Variants in SKAP2 observed in about 807,000 individuals in gnomAD.
The protein encoded by SKAP2 is src kinase-associated phosphoprotein 2.
Under a neutral mutation model 54.9 loss-of-function variants are expected in SKAP2, and 28 were observed. The ratio of observed to expected loss-of-function variants is 0.51; its 90% CI spans 0.38 to 0.70. SKAP2 has a LOEUF of 0.70. Ranked by LOEUF, SKAP2 falls within the 30% of genes least tolerant of loss-of-function variation. The pLI is 0.00. For synonymous variants in SKAP2, 137 were observed against 134.3 expected (o/e 1.02, Z -0.14); for missense variants, 356 against 424.1 (o/e 0.84, Z 1.41).
chr7:26,845,411 A>C (rs142478110), intron 3 of SKAP2, among the ~76,000 whole-genome samples: 1 of 152,296 alleles, frequency 6.6e-6, no homozygotes, highest in East Asian at 1.9e-4. Context: ...CATCAGAGAC[A>C]TCTCTCATTA....
chr7:26,694,710 C>T (rs372253431), intron 9 of SKAP2, among the ~76,000 whole-genome samples: 20 of 151,458 alleles, frequency 1.3e-4, no homozygotes, highest in African/African-American at 4.8e-4. Context: ...GATATTTGGC[C>T]TTCTCTCTGA....
At chr7:26,663,893 T>G (rs1487141171), downstream of SKAP2, among the ~76,000 whole-genome samples, 2 of 152,124 alleles carry the variant, frequency 1.3e-5, no homozygotes, top group African/African-American at 4.8e-5. Flanking sequence ...AAAAGTTTCG[T>G]CTCCATTGCG....
intron 4 of SKAP2, among the ~76,000 whole-genome samples, chr7:26,766,280 A>G (rs950311823): frequency 2.0e-5 from 3 of 151,432 alleles, no homozygotes; most frequent in Admixed American, 6.6e-5. Flanking sequence ...TTTGTCTATT[A>G]TTGGTGTATA....
chr7:26,829,649 TA>T (rs2127992137), intron 4 of SKAP2, among the ~76,000 whole-genome samples: 1 of 152,088 alleles, frequency 6.6e-6, no homozygotes, highest in African/African-American at 2.4e-5. Context: ...AATAAGCACA[TA>T]AAAAGGTGAT....
At chr7:26,745,719 T>C (rs1428935031) in intron 4 of SKAP2, among the ~76,000 whole-genome samples, 1 of 152,210 alleles carries the variant, frequency 6.6e-6, no homozygotes, top group Non-Finnish European at 1.5e-5. Flanking sequence ...TTCGCCATGT[T>C]GCCCAGGCTG....
At chr7:26,801,505 T>C (rs1281261335) in intron 4 of SKAP2, among the ~76,000 whole-genome samples, 1 of 152,120 alleles carries the variant, frequency 6.6e-6, no homozygotes, top group African/African-American at 2.4e-5. Flanking sequence ...AAGTCCTAGC[T>C]AGAGCAATCA....
intron 1 of SKAP2, among the ~76,000 whole-genome samples, chr7:26,861,878 T>A (rs895106490): frequency 1.3e-5 from 2 of 151,958 alleles, no homozygotes; most frequent in African/African-American, 2.4e-5. Context: ...TAAGCAACAT[T>A]ATTTTAACAG....
intron 4 of SKAP2, among the ~76,000 whole-genome samples, chr7:26,821,985 CATTT>C (rs1784391841): frequency 6.6e-6 from 1 of 152,164 alleles, no homozygotes; most frequent in African/African-American, 2.4e-5. Context: ...GATACATTAG[CATTT>C]GTCAGATAAT....
At chr7:26,766,132 C>T (rs544179589) in intron 4 of SKAP2, among the ~76,000 whole-genome samples, 45 of 152,238 alleles carry the variant, frequency 3.0e-4, no homozygotes, top group African/African-American at 1.0e-3. Context: ...TTGTTTGTGT[C>T]CTGTCTTATT....
At chr7:26,757,538 G>A (rs1234896916) in intron 4 of SKAP2, among the ~76,000 whole-genome samples, 2 of 152,060 alleles carry the variant, frequency 1.3e-5, no homozygotes, top group African/African-American at 4.8e-5. Context: ...CTATATCTCT[G>A]TTTTTGGTAC....
chr7:26,831,270 A>G, intron 4 of SKAP2, among the ~76,000 whole-genome samples: 1 of 152,178 alleles, frequency 6.6e-6, no homozygotes, highest in East Asian at 1.9e-4. Flanking sequence ...ACTCAAAAGA[A>G]AGAAGCCAAG....
intron 9 of SKAP2, among the ~76,000 whole-genome samples, chr7:26,702,802 A>G (rs1787067034): frequency 6.6e-6 from 1 of 152,226 alleles, no homozygotes; most frequent in Non-Finnish European, 1.5e-5. Flanking sequence ...TAATAGCCTC[A>G]CTTGTATTTT....
intron 9 of SKAP2, among the ~76,000 whole-genome samples, chr7:26,706,368 T>G (rs1009476621): frequency 6.6e-6 from 1 of 152,150 alleles, no homozygotes; most frequent in Non-Finnish European, 1.5e-5. Flanking sequence ...AGTTATATAA[T>G]ATCTATGTTT....
intron 9 of SKAP2, among the ~76,000 whole-genome samples, chr7:26,724,729 A>G (rs1309142082): frequency 3.3e-5 from 5 of 152,118 alleles, no homozygotes; most frequent in Non-Finnish European, 5.9e-5. Context: ...AAATGTTTTC[A>G]TATGTTTCCT....
At chr7:26,782,313 T>C (rs984370998) in intron 4 of SKAP2, among the ~76,000 whole-genome samples, 4 of 152,176 alleles carry the variant, frequency 2.6e-5, no homozygotes, top group African/African-American at 9.7e-5. Context: ...CAGAATAAAA[T>C]CAGATGTAAA....
chr7:26,767,200 G>A (rs1009836052), intron 4 of SKAP2, among the ~76,000 whole-genome samples: 6 of 152,018 alleles, frequency 3.9e-5, no homozygotes, highest in African/African-American at 1.5e-4. Flanking sequence ...GACTTGGCAG[G>A]GTGTATGTGT....
intron 10 of SKAP2, among the ~76,000 whole-genome samples, chr7:26,690,030 G>A (rs574870330): frequency 6.6e-6 from 1 of 152,186 alleles, no homozygotes; most frequent in Non-Finnish European, 1.5e-5. Context: ...GTGCAGAAAT[G>A]AAAGCTAATT....
At chr7:26,840,198 T>C (rs1409010947) in intron 4 of SKAP2, among the ~76,000 whole-genome samples, 1 of 152,084 alleles carries the variant, frequency 6.6e-6, no homozygotes, top group African/African-American at 2.4e-5. Context: ...TATTTTCAGC[T>C]TCATTTTAGC....
chr7:26,680,295 A>G (rs1000310339), intron 11 of SKAP2, among the ~76,000 whole-genome samples: 1 of 152,208 alleles, frequency 6.6e-6, no homozygotes, highest in Non-Finnish European at 1.5e-5. Context: ...ACCTATTGCT[A>G]TATAATCTGG....
Sources: gnomAD v4.1 joint callset for allele counts (sites outside exome capture counted in the v4.1 genomes callset) on GRCh38, gnomAD v4.1.1 for gene constraint, MANE v1.5 for transcripts, NCBI Gene and HGNC (gene_info 2026-07-23, HGNC 2026-07-21) for gene names.